The following CNTN5 variants were observed in gnomAD, a reference collection of about 807,000 sequenced individuals.
CNTN5 encodes the protein contactin 5.
CNTN5 carries 77 observed loss-of-function variants against 129.1 expected under a neutral mutation model. The ratio of observed to expected loss-of-function variants is 0.60; its 90% confidence interval spans 0.50 to 0.72. CNTN5 has a LOEUF of 0.72. Ranked by LOEUF, CNTN5 falls within the 30% of genes least tolerant of loss-of-function variation. The pLI, the probability that CNTN5 is intolerant of heterozygous loss-of-function variation, is 0.00. For missense variants in CNTN5, 1,478 were observed against 1,328.8 expected (o/e 1.11, Z -1.75); for synonymous variants, 509 against 465.6 (o/e 1.09, Z -1.20).
intron 2 of CNTN5, among the ~76,000 whole-genome samples, chr11:99,555,169 T>A (rs760607424): frequency 4.6e-5 from 7 of 152,076 alleles, no homozygotes; most frequent in Admixed American, 1.3e-4. Flanking sequence ...AATACGTGTC[T>A]ATATTTTTCA....
At chr11:99,816,132 G>A (rs1236932780) in intron 3 of CNTN5, among the ~76,000 whole-genome samples, 1 of 152,112 alleles carries the variant, frequency 6.6e-6, no homozygotes, top group African/African-American at 2.4e-5. Context: ...ATGCTTCCTT[G>A]TCTGTATTGA....
At chr11:99,614,424 G>A (rs1278834316) in intron 3 of CNTN5, among the ~76,000 whole-genome samples, 4 of 152,078 alleles carry the variant, frequency 2.6e-5, no homozygotes, top group African/African-American at 7.2e-5. Flanking sequence ...GGGATGGTGG[G>A]AGCCACAAAT....
At position 99,080,926 on chromosome 11, in the gene CNTN5, C is replaced by A. The variant is rs571812116; in HGVS notation, c.-210+59656C>A. On this transcript the variant is annotated intron_variant, in intron 1 of 24. Coordinates refer to ENST00000524871, the MANE Select transcript of CNTN5 (RefSeq NM_014361.4). ...AGAAGATTTTCCTTAGAGACAGTTG[C>A]ATTTGTTCTTTTTAAGAGTTGCTGC... Among the ~76,000 whole-genome samples the A allele has an allele frequency of 9.6e-4, 141 of 147,636 alleles. 1 individual carries two copies. Among genetic ancestry groups the A allele is most frequent in the African/African-American group, 3.4e-3 (136 of 40,008 alleles).
chr11:99,736,533 T>C (rs1420099035), intron 3 of CNTN5, among the ~76,000 whole-genome samples: 1 of 152,172 alleles, frequency 6.6e-6, no homozygotes, highest in African/African-American at 2.4e-5. Context: ...TGTTAGACGA[T>C]TGTATCTAAT....
At chr11:100,306,054 T>C (rs1171768854) in intron 20 of CNTN5, among the ~76,000 whole-genome samples, 1 of 151,366 alleles carries the variant, frequency 6.6e-6, no homozygotes, top group Non-Finnish European at 1.5e-5. Flanking sequence ...CTGGACACAC[T>C]TGATTAGATT....
At chr11:99,486,808 T>C (rs1236419210) in intron 2 of CNTN5, among the ~76,000 whole-genome samples, 11 of 152,074 alleles carry the variant, frequency 7.2e-5, no homozygotes, top group African/African-American at 2.7e-4. Context: ...TAACCATAAG[T>C]TATAAAGTGG....
chr11:99,292,160 A>G (rs1864196106), intron 1 of CNTN5, among the ~76,000 whole-genome samples: 1 of 151,860 alleles, frequency 6.6e-6, no homozygotes. Context: ...AAATAAAAGA[A>G]TAATGTATAT....
intron 2 of CNTN5, among the ~76,000 whole-genome samples, chr11:99,467,300 GT>G (rs1944983546): frequency 6.6e-6 from 1 of 152,018 alleles, no homozygotes; most frequent in Non-Finnish European, 1.5e-5. Context: ...CTATCCTGCA[GT>G]TTTTACTATT....
chr11:100,148,787 C>T (rs966909174), intron 13 of CNTN5, among the ~76,000 whole-genome samples: 13 of 152,056 alleles, frequency 8.5e-5, no homozygotes, highest in Non-Finnish European at 1.8e-4. Flanking sequence ...GTAGTCTATG[C>T]TCTTGCTCTA....
chr11:99,691,997 C>A (rs1056487974), intron 3 of CNTN5, among the ~76,000 whole-genome samples: 3 of 151,976 alleles, frequency 2.0e-5, no homozygotes, highest in African/African-American at 7.2e-5. Flanking sequence ...ATTTGTAATG[C>A]CCTTCTTTGT....
At chr11:100,028,001 C>T (rs987232050) in intron 9 of CNTN5, among the ~76,000 whole-genome samples, 4 of 151,790 alleles carry the variant, frequency 2.6e-5, no homozygotes, top group Admixed American at 6.6e-5. Context: ...TTTATCTAAC[C>T]AAGAGAATAG....
intron 9 of CNTN5, among the ~76,000 whole-genome samples, chr11:100,021,640 T>C (rs1941154856): frequency 6.6e-6 from 1 of 152,154 alleles, no homozygotes; most frequent in South Asian, 2.1e-4. Flanking sequence ...CAGCTTTCTC[T>C]TTGAGGGACA....
chr11:99,997,909 T>G (rs1038532648), intron 8 of CNTN5, among the ~76,000 whole-genome samples: 2 of 152,092 alleles, frequency 1.3e-5, no homozygotes, highest in African/African-American at 4.8e-5. Context: ...AAAAACCACA[T>G]GATTATCTCA....
At chr11:99,819,386 T>G in intron 3 of CNTN5, 158 bp from the exon 4 acceptor site, 1 of 591,312 alleles carries the variant, frequency 1.7e-6, no homozygotes, top group South Asian at 2.3e-5. Context: ...TATTAAAAAA[T>G]ATAAAAGTAA....
At chr11:99,766,540 T>C (rs1944762071) in intron 3 of CNTN5, among the ~76,000 whole-genome samples, 1 of 152,070 alleles carries the variant, frequency 6.6e-6, no homozygotes, top group Non-Finnish European at 1.5e-5. Flanking sequence ...AATATAAAGT[T>C]CTAAAAGACT....
intron 2 of CNTN5, among the ~76,000 whole-genome samples, chr11:99,393,183 A>G (rs1329144957): frequency 6.6e-6 from 1 of 151,882 alleles, no homozygotes; most frequent in Non-Finnish European, 1.5e-5. Flanking sequence ...CTGGAAGGAA[A>G]GTGTACTCAG....
intron 1 of CNTN5, among the ~76,000 whole-genome samples, chr11:99,144,495 T>C (rs1859680661): frequency 6.6e-6 from 1 of 152,190 alleles, no homozygotes; most frequent in South Asian, 2.1e-4. Context: ...GGTTTTCCAC[T>C]ACTGTTTCAT....
At chr11:100,178,404 A>G (rs186549828) in intron 13 of CNTN5, among the ~76,000 whole-genome samples, 1 of 152,032 alleles carries the variant, frequency 6.6e-6, no homozygotes, top group Non-Finnish European at 1.5e-5. Flanking sequence ...AATCTTGTCC[A>G]CTTGTAACTG....
chr11:99,127,128 A>C (rs556059767), intron 1 of CNTN5, among the ~76,000 whole-genome samples: 5 of 152,272 alleles, frequency 3.3e-5, no homozygotes, highest in African/African-American at 1.2e-4. Context: ...AAGCACCCCC[A>C]TATACTTCAA....
Sources: allele counts gnomAD v4.1 joint callset (sites outside exome capture counted in the v4.1 genomes callset), GRCh38; gene constraint gnomAD v4.1.1; transcripts MANE v1.5; gene names NCBI Gene and HGNC (gene_info 2026-07-23, HGNC 2026-07-21).